Variants in MYO18A observed in about 807,000 individuals in gnomAD.
The protein encoded by MYO18A is unconventional myosin-XVIIIa.
Under a neutral mutation model 235.8 loss-of-function variants are expected in MYO18A, and 78 were observed. The observed-to-expected ratio is 0.33, with a 90% CI of 0.28 to 0.40. The LOEUF (loss-of-function observed/expected upper bound fraction) is 0.40, where lower values mean the gene tolerates loss of function less well. Among genes scored for constraint, MYO18A ranks in the 10% least tolerant of loss-of-function variants. The pLI is 1.00. For missense variants in MYO18A, 2,215 were observed against 2,699.3 expected, an observed-to-expected ratio of 0.82 and a Z score of 3.98; for synonymous variants, 977 against 1,077.8, an observed-to-expected ratio of 0.91 and a Z score of 1.83.
intron 3 of MYO18A, 91 bp from the exon 4 acceptor site, chr17:29,122,048 C>G: frequency 6.6e-7 from 1 of 1,508,678 alleles, no homozygotes; most frequent in Non-Finnish European, 9.2e-7. Context: ...CCCCCCACTG[C>G]ATCACCAGCC....
At chr17:29,173,098 CTTT>C (rs71135873) in intron 1 of MYO18A, among the ~76,000 whole-genome samples, 1 of 146,446 alleles carries the variant, frequency 6.8e-6, no homozygotes, top group Non-Finnish European at 1.5e-5. Flanking sequence ...TTTGCCGTTA[CTTT>C]TTTTTTTTTT....
rs1202176769 is a variant in MYO18A at position 29,092,851 on chromosome 17, A to C, written c.5073+4T>G. On this transcript the variant is annotated splice_donor_region_variant and intron_variant, in intron 33 of 41. Coordinates refer to ENST00000527372, the MANE Select transcript of MYO18A (RefSeq NM_078471.4). ...TGGATCAGCCGTGTGCTCTCTGTGGATACCTGGTTCTTGAGCTGGGCAATC... is the reference window on the plus strand; with the variant it reads ...TGGATCAGCCGTGTGCTCTCTGTGGCTACCTGGTTCTTGAGCTGGGCAATC... 6.2e-7 allele frequency: 1 copy of C among 1,613,712 alleles called. No individual in the cohort carries two copies. The highest frequency in any genetic ancestry group is 8.5e-7 in the Non-Finnish European group (1 of 1,179,846).
At chr17:29,093,065 G>C (rs542644418) in intron 32 of MYO18A, 64 bp from the exon 33 acceptor site, 27 of 1,554,280 alleles carry the variant, frequency 1.7e-5, no homozygotes, top group Non-Finnish European at 7.0e-6. Flanking sequence ...TCTTCCCCAA[G>C]CTCCCTCCTC....
At chr17:29,093,957 AG>A in intron 31 of MYO18A, 22 bp downstream of exon 31, 3 of 1,548,436 alleles carry the variant, frequency 1.9e-6, no homozygotes, top group Non-Finnish European at 2.6e-6. Flanking sequence ...TACGCTGGAC[AG>A]GTAAGTACTC....
rs2065890128 is a variant in MYO18A at position 29,072,103 on chromosome 17, T to C, written c.*2667A>G. 1 of 151,718 alleles carries C rather than the reference T, an allele frequency of 6.6e-6. No homozygotes were observed. Among genetic ancestry groups the C allele is most frequent in the Non-Finnish European group, 1.5e-5 (1 of 67,988 alleles). The allele number at this position is 151,718 out of a possible 1,614,324, so 9.4% of individuals were successfully genotyped here. ...GAATTCATCTAAAGGTGGCAGGGAGTTTGTCACACTAGTCCCTAGTAGAAA... is the reference window on the plus strand; with the variant it reads ...GAATTCATCTAAAGGTGGCAGGGAGCTTGTCACACTAGTCCCTAGTAGAAA... On this transcript the variant is annotated 3_prime_UTR_variant, in exon 42 of 42. Transcript: ENST00000527372.
intron 13 of MYO18A, 31 bp from the exon 14 acceptor site, chr17:29,115,130 G>A (rs369609891): frequency 1.0e-5 from 16 of 1,586,412 alleles, no homozygotes; most frequent in African/African-American, 1.3e-5. Context: ...TCAGAGCCTC[G>A]CTGGTTGGCC....
At chr17:29,123,156 T>C (rs763141411) in intron 2 of MYO18A, among the ~76,000 whole-genome samples, 2 of 152,168 alleles carry the variant, frequency 1.3e-5, no homozygotes, top group Admixed American at 1.3e-4. Context: ...CTGTCAAACC[T>C]GGCACCCTCT....
intron 2 of MYO18A, among the ~76,000 whole-genome samples, chr17:29,131,166 C>T (rs772965840): frequency 6.6e-6 from 1 of 152,174 alleles, no homozygotes; most frequent in Non-Finnish European, 1.5e-5. Flanking sequence ...TCACATACAC[C>T]GTACTTTCTT....
intron 41 of MYO18A, chr17:29,075,871 T>G (rs980449762): frequency 3.3e-5 from 5 of 153,170 alleles, no homozygotes; most frequent in African/African-American, 9.6e-5. Flanking sequence ...TGCCCCACAC[T>G]CGGCGTGGTC....
At chr17:29,171,603 A>C (rs2068405734) in intron 1 of MYO18A, among the ~76,000 whole-genome samples, 1 of 152,084 alleles carries the variant, frequency 6.6e-6, no homozygotes, top group Non-Finnish European at 1.5e-5. Context: ...ATTTTAAGAC[A>C]GCTTGATGAG....
At chr17:29,079,697 C>T (rs750995932) in intron 41 of MYO18A, 223 of 985,434 alleles carry the variant, frequency 2.3e-4, no homozygotes, top group Non-Finnish European at 2.6e-4. Context: ...TGGGACACAC[C>T]ATGCTGAACC....
At chr17:29,139,547 C>T (rs1190790744) in intron 2 of MYO18A, among the ~76,000 whole-genome samples, 1 of 152,166 alleles carries the variant, frequency 6.6e-6, no homozygotes, top group East Asian at 1.9e-4. Flanking sequence ...GCTCCTGATG[C>T]ACCTCCGCAC....
At chr17:29,148,973 C>T (rs375752102) in intron 2 of MYO18A, among the ~76,000 whole-genome samples, 1 of 152,230 alleles carries the variant, frequency 6.6e-6, no homozygotes, top group African/African-American at 2.4e-5. Context: ...GGGGCCAAGC[C>T]CAGCACATGC....
chr17:29,172,069 G>GA (rs2068418432), intron 1 of MYO18A, among the ~76,000 whole-genome samples: 1 of 152,040 alleles, frequency 6.6e-6, no homozygotes, highest in South Asian at 2.1e-4. Context: ...AAAATTTTGG[G>GA]AAAAAATATG....
intron 2 of MYO18A, among the ~76,000 whole-genome samples, chr17:29,155,693 G>A (rs968662573): frequency 1.3e-5 from 2 of 152,202 alleles, no homozygotes; most frequent in Admixed American, 6.5e-5. Context: ...GCCCCAGTAG[G>A]CCAGAGAACC....
At chr17:29,113,919 C>T (rs2066993199) in intron 15 of MYO18A, 92 bp downstream of exon 15, 2 of 1,037,108 alleles carry the variant, frequency 1.9e-6, no homozygotes, top group East Asian at 5.3e-5. Flanking sequence ...GTGGCACCCC[C>T]AGCAGCAGCT....
chr17:29,167,636 G>A (rs1164442867), intron 1 of MYO18A, among the ~76,000 whole-genome samples: 1 of 151,798 alleles, frequency 6.6e-6, no homozygotes, highest in African/African-American at 2.4e-5. Context: ...AGCCCAGGAG[G>A]TCGAGGTTGC....
At chr17:29,149,880 T>C (rs2067932176) in intron 2 of MYO18A, among the ~76,000 whole-genome samples, 1 of 152,232 alleles carries the variant, frequency 6.6e-6, no homozygotes, top group Non-Finnish European at 1.5e-5. Context: ...CTCCTAAATG[T>C]ACCACATGCA....
chr17:29,141,098 G>A (rs1252849300), intron 2 of MYO18A, among the ~76,000 whole-genome samples: 1 of 152,232 alleles, frequency 6.6e-6, no homozygotes, highest in Non-Finnish European at 1.5e-5. Flanking sequence ...CACTCTCTTT[G>A]TTTACATCCC....
Sources: gnomAD v4.1 joint callset for allele counts (sites outside exome capture counted in the v4.1 genomes callset) on GRCh38, gnomAD v4.1.1 for gene constraint, MANE v1.5 for transcripts, NCBI Gene and HGNC (gene_info 2026-07-23, HGNC 2026-07-21) for gene names.